The following NCAM2 variants were observed in gnomAD, a reference collection of about 807,000 sequenced individuals.
The protein encoded by NCAM2 is neural cell adhesion molecule 2, also known as N-CAM-2.
Under a neutral mutation model 98.1 loss-of-function variants are expected in NCAM2, and 30 were observed. That is an observed-to-expected ratio of 0.31 (90% CI 0.23 to 0.41). The LOEUF is 0.41. Ranked by LOEUF, NCAM2 falls within the 10% of genes least tolerant of loss-of-function variation. The pLI, the probability that NCAM2 is intolerant of heterozygous loss-of-function variation, is 1.00. For synonymous variants in NCAM2, 368 were observed against 342.4 expected (o/e 1.07, Z -0.83); for missense variants, 867 against 1,005.8 (o/e 0.86, Z 1.87).
rs5842938 is a variant in NCAM2, at chr21:21,543,013, TAA to T, written c.*5064_*5065del. On this transcript the variant is annotated 3_prime_UTR_variant, in exon 18 of 18. Coordinates refer to ENST00000400546, the MANE Select transcript of NCAM2 (RefSeq NM_004540.5). ...GTGAAGTTAGAAATAAAGGTTTTTTTAAAAAAAAAGCTTTTTTGGTATGTGAA... is the reference window on the plus strand; with the variant it reads ...GTGAAGTTAGAAATAAAGGTTTTTTTAAAAAAAGCTTTTTTGGTATGTGAA... The T allele has an allele frequency of 2.0e-5, 3 of 151,074 alleles. No individual in the cohort carries two copies. The highest frequency in any genetic ancestry group is 3.9e-4 in the East Asian group (2 of 5,142). 9.4% of individuals were successfully genotyped at this position (151,074 alleles called of 1,614,324 possible). A position where few individuals can be genotyped will look rare whatever the true frequency, so the allele number is the denominator to read the frequency against.
intron 1 of NCAM2, among the ~76,000 whole-genome samples, chr21:21,099,231 A>C (rs898328458): frequency 1.3e-5 from 2 of 151,870 alleles, no homozygotes; most frequent in African/African-American, 4.8e-5. Context: ...CTTAAATGGT[A>C]CTGAGGTTTA....
At chr21:21,116,294 T>C (rs1229215125) in intron 1 of NCAM2, among the ~76,000 whole-genome samples, 1 of 152,008 alleles carries the variant, frequency 6.6e-6, no homozygotes. Context: ...AAGGGAAAAA[T>C]ACTTGACTAC....
intron 1 of NCAM2, among the ~76,000 whole-genome samples, chr21:21,089,915 G>A (rs1041408411): frequency 5.9e-5 from 9 of 152,060 alleles, no homozygotes; most frequent in Admixed American, 3.3e-4. Context: ...AGACCATATC[G>A]TAAAAGCAGG....
At chr21:21,316,759 G>A (rs560423046) in intron 5 of NCAM2, among the ~76,000 whole-genome samples, 1 of 151,760 alleles carries the variant, frequency 6.6e-6, no homozygotes, top group African/African-American at 2.4e-5. Context: ...GGCCAGGCTG[G>A]TCTCAAACTC....
Position 21,312,703 on chromosome 21 carries a change from T to G in NCAM2, c.620-11680T>G, listed in dbSNP as rs562387886. 3.9e-5 allele frequency among the ~76,000 whole-genome samples: 6 copies of G among 151,960 alleles called. No homozygotes were observed. The South Asian group carries it at 6.2e-4, about 16-fold the overall frequency. On this transcript the variant is annotated intron_variant, in intron 5 of 17. Transcript: ENST00000400546. ...ATTTTCTTGTACCATATATGACATG[T>G]TAAATTATCAGCATAATGCTGTGTT...
intron 1 of NCAM2, among the ~76,000 whole-genome samples, chr21:21,251,212 T>C (rs956013536): frequency 6.6e-6 from 1 of 152,220 alleles, no homozygotes; most frequent in Admixed American, 6.5e-5. Context: ...TGTGCAGGTT[T>C]GTTACGTAGG....
intron 7 of NCAM2, among the ~76,000 whole-genome samples, chr21:21,337,743 T>C (rs1447021754): frequency 6.6e-6 from 1 of 151,996 alleles, no homozygotes; most frequent in Non-Finnish European, 1.5e-5. Flanking sequence ...ATACAATTGA[T>C]GATTAAAAAT....
chr21:21,271,407 A>G (rs1466850039), intron 1 of NCAM2, among the ~76,000 whole-genome samples: 1 of 152,230 alleles, frequency 6.6e-6, no homozygotes, highest in Non-Finnish European at 1.5e-5. Flanking sequence ...AGCAAATAGT[A>G]CAGAAACTAA....
At chr21:21,392,947 A>T (rs1397201524) in intron 9 of NCAM2, among the ~76,000 whole-genome samples, 1 of 152,056 alleles carries the variant, frequency 6.6e-6, no homozygotes, top group East Asian at 1.9e-4. Flanking sequence ...GAAGCTCTTT[A>T]GTTTAATTAT....
chr21:21,337,329 T>A (rs1300166851), intron 7 of NCAM2, among the ~76,000 whole-genome samples: 1 of 152,138 alleles, frequency 6.6e-6, no homozygotes. Context: ...ATTGTTATAA[T>A]CCCTTTTGTG....
At position 21,541,266 on chromosome 21, in the gene NCAM2, A is replaced by G. The variant is rs1448872547; in HGVS notation, c.*3309A>G. The G allele has an allele frequency of 6.6e-6, 1 of 151,680 alleles. No individual in the cohort carries two copies. The highest frequency in any genetic ancestry group is 2.4e-5 in the African/African-American group (1 of 41,418). The allele number at this position is 151,680 out of a possible 1,614,324, so 9.4% of individuals were successfully genotyped here. A position where few individuals can be genotyped will look rare whatever the true frequency, so the allele number is the denominator to read the frequency against. On this transcript the variant is annotated 3_prime_UTR_variant, in exon 18 of 18. Transcript: ENST00000400546. The stretch of plus-strand genomic sequence containing the variant: ...TTATTAAAAGAAAAAAACTACAATT[A>G]ACATCATTACTAGTATATTTTGCTT...
In NCAM2 at chr21:21,255,121, C is replaced by T. The variant is rs557434790; in HGVS notation, c.56-25457C>T. 5.3e-5 allele frequency among the ~76,000 whole-genome samples: 8 copies of T among 152,214 alleles called. No individual in the cohort carries two copies. The South Asian group carries it at 1.5e-3, about 28-fold the overall frequency. On this transcript the variant is annotated intron_variant, in intron 1 of 17. Transcript: ENST00000400546. ...TTTGGGAAGGGCACAGGTTAAATGT[C>T]GGGATCTCATGGTTTTTTGAAGGTT...
chr21:21,153,707 T>C (rs779122327), intron 1 of NCAM2, among the ~76,000 whole-genome samples: 11 of 151,916 alleles, frequency 7.2e-5, no homozygotes, highest in African/African-American at 9.7e-5. Flanking sequence ...TATAAGTGAA[T>C]GTTTGAATAT....
At chr21:21,029,215 C>A (rs926949468) in intron 1 of NCAM2, among the ~76,000 whole-genome samples, 1 of 152,134 alleles carries the variant, frequency 6.6e-6, no homozygotes, top group Admixed American at 6.5e-5. Flanking sequence ...TGTTTGACTT[C>A]CTACATTGTC....
chr21:21,324,332 G>A, intron 5 of NCAM2, 51 bp from the exon 6 acceptor site: 1 of 1,308,538 alleles, frequency 7.6e-7, no homozygotes, highest in Non-Finnish European at 1.1e-6. Context: ...CTAAATGATG[G>A]TAGTGAAGGT....
At chr21:21,218,769 C>T (rs563840241) in intron 1 of NCAM2, among the ~76,000 whole-genome samples, 15 of 152,302 alleles carry the variant, frequency 9.8e-5, no homozygotes, top group Admixed American at 7.8e-4. Context: ...ATAAGCTGGG[C>T]GCAGTGGCTC....
intron 15 of NCAM2, among the ~76,000 whole-genome samples, chr21:21,502,689 G>A (rs781739992): frequency 2.0e-5 from 3 of 151,932 alleles, no homozygotes; most frequent in East Asian, 1.9e-4. Flanking sequence ...GATACCGTAC[G>A]TAGTAATATC....
At chr21:21,350,706 A>G (rs1419092144) in intron 8 of NCAM2, among the ~76,000 whole-genome samples, 1 of 152,234 alleles carries the variant, frequency 6.6e-6, no homozygotes, top group African/African-American at 2.4e-5. Flanking sequence ...CATTTTATGT[A>G]CATGTAAAAT....
intron 1 of NCAM2, among the ~76,000 whole-genome samples, chr21:21,176,518 C>G (rs2068295480): frequency 6.6e-6 from 1 of 151,902 alleles, no homozygotes; most frequent in South Asian, 2.1e-4. Context: ...AATATTAACT[C>G]TAGAGTTTTT....
Sources: gnomAD v4.1 joint callset for allele counts (sites outside exome capture counted in the v4.1 genomes callset) on GRCh38, gnomAD v4.1.1 for gene constraint, MANE v1.5 for transcripts, NCBI Gene and HGNC (gene_info 2026-07-23, HGNC 2026-07-21) for gene names.